ABI3BP: variants seen among roughly 807,000 people sequenced by gnomAD.
The protein encoded by ABI3BP is ABI family member 3 binding protein, also known as target of Nesh-SH3.
A neutral mutation model predicts 268.6 loss-of-function variants in ABI3BP; 216 were observed. That is an observed-to-expected ratio of 0.80 (90% CI 0.72 to 0.90). ABI3BP has a LOEUF of 0.90. ABI3BP is among the 40% of genes least tolerant of loss of function. ABI3BP has a pLI of 0.00. For synonymous variants in ABI3BP, 730 were observed against 730.0 expected (o/e 1.00, Z 0.00); for missense variants, 2,090 against 2,182.4 (o/e 0.96, Z 0.84).
chr3:100,803,693 A>G (rs961632315), intron 51 of ABI3BP, among the ~76,000 whole-genome samples: 1 of 152,236 alleles, frequency 6.6e-6, no homozygotes, highest in Non-Finnish European at 1.5e-5. Flanking sequence ...ATCTATAACA[A>G]ATTAATTTCC....
Position 100,886,237 on chromosome 3 carries a change from T to C in ABI3BP, c.548A>G (p.Asn183Ser), listed in dbSNP as rs1192550942. The C allele has an allele frequency of 6.2e-7, 1 of 1,611,358 alleles. No homozygotes were observed. The change falls in exon 5 of 68, where the codon AAC becomes AGC. Residue 183 changes from asparagine (N) to serine (S), a missense_variant. By Grantham distance (46) the Asn-to-Ser change is conservative. Coordinates refer to ENST00000471714, the MANE Select transcript of ABI3BP (RefSeq NM_001375547.2). ...ICPATETIVE[N>S]LKPNTVYEFG... ...TTCATAAACTGTGTTGGGCTTTAGG[T>C]TTTCCACAATTGTTTCAGTGGCTGG...
chr3:100,813,815 T>C, intron 44 of ABI3BP, 80 bp from the exon 45 acceptor site: 1 of 1,182,020 alleles, frequency 8.5e-7, no homozygotes, highest in Non-Finnish European at 1.2e-6. Flanking sequence ...AGCAGTGAAA[T>C]AAAATACACA....
Position 100,875,550 on chromosome 3 carries a change from C to T in ABI3BP, c.775G>A (p.Ala259Thr). 1.2e-6 allele frequency: 2 copies of T among 1,613,466 alleles called. No homozygotes were observed. The highest frequency in any genetic ancestry group is 1.7e-6 in the Non-Finnish European group (2 of 1,179,434). ...VIQNVTHKDS[A>T]KSPEKAPLGG... ...AGTGGAGCTTTTTCTGGGGATTTAG[C>T]TGAATCCTTGTGAGTAACATTCTGA... is the stretch of plus-strand genomic sequence containing the variant. Residue 259 changes from alanine to threonine, a missense_variant, in exon 8 of 68, where the codon GCT (alanine) becomes ACT (threonine). By Grantham distance (58) the Ala-to-Thr change is moderately conservative. Transcript: ENST00000471714.
Position 100,770,795 on chromosome 3 carries a change from G to A in ABI3BP, c.4689C>T (p.Cys1563=), listed in dbSNP as rs2096525294. The A allele has an allele frequency of 1.9e-6, 3 of 1,567,684 alleles. No individual in the cohort carries two copies. Among genetic ancestry groups the A allele is most frequent in the Non-Finnish European group, 2.6e-6 (3 of 1,157,220 alleles). The change falls in exon 62 of 68, where the codon TGC becomes TGT. Residue 1563 remains cysteine, a synonymous_variant. Transcript: ENST00000471714. ...CCCAGTCCAAGATGACAAATGAGGG[G>A]CACCCTTCCACGGTGACCACAGTGA... The part of the protein sequence containing the change: ...TNLTVVTVEG[C]PSFVILDWEK...
intron 1 of ABI3BP, among the ~76,000 whole-genome samples, chr3:100,948,595 A>T (rs1470979106): frequency 6.6e-6 from 1 of 152,128 alleles, no homozygotes; most frequent in Non-Finnish European, 1.5e-5. Flanking sequence ...CTATATGAAT[A>T]CTTCTGTCTT....
intron 1 of ABI3BP, among the ~76,000 whole-genome samples, chr3:100,938,997 TCA>T (rs1481985201): frequency 2.0e-5 from 3 of 152,082 alleles, no homozygotes; most frequent in Admixed American, 6.6e-5. Flanking sequence ...GTAATTGGAA[TCA>T]CAGAATAATT....
At chr3:100,988,022 T>C (rs1264577824) in intron 1 of ABI3BP, among the ~76,000 whole-genome samples, 1 of 152,188 alleles carries the variant, frequency 6.6e-6, no homozygotes, top group African/African-American at 2.4e-5. Context: ...TAACGTACTG[T>C]TTAATACAGT....
At chr3:100,879,367 C>A (rs1581664611) in intron 6 of ABI3BP, among the ~76,000 whole-genome samples, 1 of 152,166 alleles carries the variant, frequency 6.6e-6, no homozygotes, top group African/African-American at 2.4e-5. Flanking sequence ...TTTTGAATGG[C>A]CTGTCCTCTA....
chr3:100,829,351 T>C (rs930342017), intron 33 of ABI3BP, among the ~76,000 whole-genome samples: 1 of 152,174 alleles, frequency 6.6e-6, no homozygotes, highest in Non-Finnish European at 1.5e-5. Context: ...TGTTTCACTT[T>C]ATCATATATT....
intron 3 of ABI3BP, among the ~76,000 whole-genome samples, chr3:100,900,916 G>A (rs4928096): frequency 0.85 from 129,478 of 152,200 alleles, 55,205 homozygotes; most frequent in East Asian, 1. Flanking sequence ...GCTAAGGCAT[G>A]ATCATTCTCT....
intron 50 of ABI3BP, among the ~76,000 whole-genome samples, chr3:100,807,083 G>C (rs1324547596): frequency 6.6e-6 from 1 of 151,620 alleles, no homozygotes; most frequent in East Asian, 1.9e-4. Context: ...AAGTTTTCAT[G>C]GTTTCTTCTC....
chr3:100,871,085 T>C (rs2099104830), intron 9 of ABI3BP, among the ~76,000 whole-genome samples: 1 of 152,108 alleles, frequency 6.6e-6, no homozygotes, highest in Non-Finnish European at 1.5e-5. Context: ...ATGCATAGGA[T>C]GAATAAGACT....
chr3:100,825,179 GA>G (rs1392357852), intron 35 of ABI3BP, among the ~76,000 whole-genome samples: 1 of 152,106 alleles, frequency 6.6e-6, no homozygotes, highest in African/African-American at 2.4e-5. Context: ...CTTGTATTGA[GA>G]AACTTATAGA....
intron 2 of ABI3BP, among the ~76,000 whole-genome samples, chr3:100,905,985 G>T (rs1561509427): frequency 1.3e-5 from 2 of 151,866 alleles, no homozygotes; most frequent in African/African-American, 4.8e-5. Flanking sequence ...TTTGTTCTTG[G>T]CCCTGCAAGT....
At chr3:100,801,115 C>T (rs2097523783) in intron 51 of ABI3BP, among the ~76,000 whole-genome samples, 1 of 151,876 alleles carries the variant, frequency 6.6e-6, no homozygotes, top group Non-Finnish European at 1.5e-5. Flanking sequence ...CTGAATTGAA[C>T]ATGCATTAGT....
chr3:100,754,494 T>G, intron 64 of ABI3BP, 118 bp downstream of exon 64: 1 of 1,030,752 alleles, frequency 9.7e-7, no homozygotes, highest in Non-Finnish European at 1.4e-6. Flanking sequence ...CACAAATGGG[T>G]TTTTAGAAAT....
intron 1 of ABI3BP, among the ~76,000 whole-genome samples, chr3:100,978,347 G>T (rs1042612006): frequency 6.6e-6 from 1 of 152,264 alleles, no homozygotes; most frequent in Non-Finnish European, 1.5e-5. Context: ...TTTCTTCATT[G>T]ACCTAGTAAA....
intron 47 of ABI3BP, 53 bp from the exon 48 acceptor site, chr3:100,811,330 A>G (rs2097856660): frequency 2.2e-6 from 3 of 1,351,858 alleles, no homozygotes; most frequent in South Asian, 2.7e-5. Flanking sequence ...ATTAAGCTAT[A>G]GCATTTTTTT....
chr3:100,855,764 TA>T (rs983957925), intron 14 of ABI3BP, among the ~76,000 whole-genome samples: 1 of 152,006 alleles, frequency 6.6e-6, no homozygotes, highest in Admixed American at 6.6e-5. Flanking sequence ...AATGGAATTC[TA>T]AAAAAAATAT....
Sources: gnomAD v4.1 joint callset for allele counts (sites outside exome capture counted in the v4.1 genomes callset) on GRCh38, gnomAD v4.1.1 for gene constraint, MANE v1.5 for transcripts, NCBI Gene and HGNC (gene_info 2026-07-23, HGNC 2026-07-21) for gene names.